SH3GL3: variants seen among roughly 807,000 people sequenced by gnomAD.
SH3GL3 encodes the protein endophilin-A3.
SH3GL3 carries 33 observed loss-of-function variants against 47.7 expected under a neutral mutation model. The observed-to-expected ratio is 0.69, with a 90% confidence interval of 0.52 to 0.92. SH3GL3 has a LOEUF of 0.92. SH3GL3 is among the 40% of genes least tolerant of loss of function. The probability of loss-of-function intolerance (pLI) is 0.00; values close to 1 mark genes in which losing one functional copy is unlikely to be tolerated. For missense variants in SH3GL3, 363 were observed against 417.8 expected (o/e 0.87, Z 1.14); for synonymous variants, 155 against 148.8 (o/e 1.04, Z -0.30).
chr15:83,590,813 A>G (rs74630865), intron 8 of SH3GL3, among the ~76,000 whole-genome samples: 28,014 of 152,150 alleles, frequency 0.18, 3,313 homozygotes, highest in Admixed American at 0.27. Context: ...TTTATTCTCA[A>G]TACAGGTTCT....
At chr15:83,537,064 A>G (rs1032282564) in intron 1 of SH3GL3, among the ~76,000 whole-genome samples, 2 of 152,110 alleles carry the variant, frequency 1.3e-5, no homozygotes, top group African/African-American at 4.8e-5. Flanking sequence ...TACTGGAAGG[A>G]CTGAGTATAG....
At chr15:83,582,511 T>C (rs1338612153) in intron 6 of SH3GL3, among the ~76,000 whole-genome samples, 3 of 152,238 alleles carry the variant, frequency 2.0e-5, no homozygotes, top group Non-Finnish European at 4.4e-5. Context: ...AACTAAACAG[T>C]TTCTTTATCA....
intron 2 of SH3GL3, among the ~76,000 whole-genome samples, chr15:83,563,552 A>G (rs947246442): frequency 8.5e-5 from 13 of 152,162 alleles, no homozygotes; most frequent in African/African-American, 2.2e-4. Flanking sequence ...GTTTTTATCA[A>G]TCTGGAGAAT....
intron 1 of SH3GL3, among the ~76,000 whole-genome samples, chr15:83,449,704 CTTAT>C (rs1348346088): frequency 2.9e-5 from 4 of 138,870 alleles, no homozygotes; most frequent in Non-Finnish European, 6.1e-5. Flanking sequence ...AACAGAACGT[CTTAT>C]TTAGTCTTTT....
intron 2 of SH3GL3, among the ~76,000 whole-genome samples, chr15:83,564,913 A>C (rs1226750447): frequency 6.6e-6 from 1 of 152,200 alleles, no homozygotes; most frequent in African/African-American, 2.4e-5. Context: ...GTTTAAAGGG[A>C]AAGTAAAGTT....
At chr15:83,493,245 AGGGG>A (rs1296445826) in intron 1 of SH3GL3, among the ~76,000 whole-genome samples, 1 of 152,080 alleles carries the variant, frequency 6.6e-6, no homozygotes, top group African/African-American at 2.4e-5. Context: ...GTGGAGGTGG[AGGGG>A]CACCAGGGAG....
At chr15:83,533,026 G>A (rs1435312565) in intron 1 of SH3GL3, among the ~76,000 whole-genome samples, 2 of 152,198 alleles carry the variant, frequency 1.3e-5, no homozygotes, top group African/African-American at 4.8e-5. Flanking sequence ...TGGGCCCATT[G>A]ACACTGTATG....
chr15:83,601,377 G>T (rs895013675), intron 8 of SH3GL3, among the ~76,000 whole-genome samples: 2 of 152,088 alleles, frequency 1.3e-5, no homozygotes, highest in African/African-American at 4.8e-5. Flanking sequence ...TCCCTTGTAT[G>T]CCGATTTTGC....
intron 1 of SH3GL3, among the ~76,000 whole-genome samples, chr15:83,449,473 G>A (rs2039627808): frequency 6.6e-6 from 1 of 152,166 alleles, no homozygotes; most frequent in African/African-American, 2.4e-5. Flanking sequence ...CTCCTCTTTT[G>A]AAAACTTTTC....
At chr15:83,632,435 C>T in the SH3GL3 span, among the ~76,000 whole-genome samples, 3 of 152,214 alleles carry the variant, frequency 2.0e-5, no homozygotes, top group Non-Finnish European at 4.4e-5. Context: ...AGAAGCACCC[C>T]ACTCTCTGCA....
At position 83,559,315 on chromosome 15, in the gene SH3GL3, G is replaced by A; in HGVS notation, c.108G>A (p.Met36Ile). Residue 36 changes from methionine to isoleucine, a missense_variant, in exon 2 of 9, where the codon ATG becomes ATA. Coordinates refer to ENST00000427482, the MANE Select transcript of SH3GL3 (RefSeq NM_003027.5). ...AACTAGACGATGAATTTCTTGACAT[G>A]GAAAGGGTAAGAGCATTTTAATATG... ...GTKLDDEFLDMERKIDVTNKV... is the reference protein window; with the variant it reads ...GTKLDDEFLDIERKIDVTNKV... The A allele has an allele frequency of 1.3e-6, 2 of 1,568,582 alleles. No individual in the cohort carries two copies. The highest frequency in any genetic ancestry group is 1.8e-6 in the Non-Finnish European group (2 of 1,138,594).
At chr15:83,506,973 T>G (rs920810944) in intron 1 of SH3GL3, among the ~76,000 whole-genome samples, 2 of 152,062 alleles carry the variant, frequency 1.3e-5, no homozygotes, top group Non-Finnish European at 2.9e-5. Flanking sequence ...AATTTCCTGA[T>G]TGGTTGTTAC....
chr15:83,627,258 A>G, the SH3GL3 span, among the ~76,000 whole-genome samples: 8 of 152,032 alleles, frequency 5.3e-5, no homozygotes, highest in East Asian at 5.8e-4. Context: ...TTAGCTGGGC[A>G]TGGTGGCGGG....
chr15:83,501,630 G>A (rs1227754172), intron 1 of SH3GL3, among the ~76,000 whole-genome samples: 4 of 152,162 alleles, frequency 2.6e-5, no homozygotes, highest in Admixed American at 1.3e-4. Context: ...AGTGGCTCAC[G>A]CCTGTAATCC....
At chr15:83,498,775 G>T (rs2042178780) in intron 1 of SH3GL3, among the ~76,000 whole-genome samples, 1 of 152,128 alleles carries the variant, frequency 6.6e-6, no homozygotes, top group Non-Finnish European at 1.5e-5. Context: ...AACAGGAATG[G>T]TCACCCCCTA....
chr15:83,530,453 G>A (rs992493352), intron 1 of SH3GL3, among the ~76,000 whole-genome samples: 9 of 152,120 alleles, frequency 5.9e-5, no homozygotes, highest in African/African-American at 2.2e-4. Flanking sequence ...TGCCTCAGGT[G>A]TTTCCTGTCA....
intron 8 of SH3GL3, among the ~76,000 whole-genome samples, chr15:83,591,673 T>A (rs913034349): frequency 6.6e-6 from 1 of 152,004 alleles, no homozygotes; most frequent in Non-Finnish European, 1.5e-5. Flanking sequence ...TACATTTTTT[T>A]ATTTTTTATT....
At chr15:83,571,226 C>T (rs1424938534) in intron 4 of SH3GL3, among the ~76,000 whole-genome samples, 1 of 152,140 alleles carries the variant, frequency 6.6e-6, no homozygotes, top group East Asian at 1.9e-4. Context: ...AGGGAGGTGG[C>T]GGCCCATGTT....
chr15:83,615,541 G>A (rs1031184067), intron 8 of SH3GL3, among the ~76,000 whole-genome samples: 3 of 152,036 alleles, frequency 2.0e-5, no homozygotes, highest in Admixed American at 1.3e-4. Flanking sequence ...CAAACTCCTG[G>A]CCTCAAGTGA....
Sources: gnomAD v4.1 joint callset for allele counts (sites outside exome capture counted in the v4.1 genomes callset) on GRCh38, gnomAD v4.1.1 for gene constraint, MANE v1.5 for transcripts, NCBI Gene and HGNC (gene_info 2026-07-23, HGNC 2026-07-21) for gene names.